The following NUB1 variants were observed in gnomAD, a reference collection of about 807,000 sequenced individuals.
The protein encoded by NUB1 is NEDD8 ultimate buster 1.
Under a neutral mutation model 77.1 loss-of-function variants are expected in NUB1, and 41 were observed. The ratio of observed to expected loss-of-function variants is 0.53; its 90% CI spans 0.41 to 0.69. The LOEUF (loss-of-function observed/expected upper bound fraction) is 0.69. NUB1 is among the 30% of genes least tolerant of loss of function. The probability of loss-of-function intolerance (pLI) is 0.00; values close to 1 mark genes in which losing one functional copy is unlikely to be tolerated. For synonymous variants in NUB1, 257 were observed against 281.0 expected (o/e 0.91, Z 0.85); for missense variants, 643 against 743.8 (o/e 0.86, Z 1.58).
At chr7:151,359,019 C>T (rs373230622) in intron 7 of NUB1, among the ~76,000 whole-genome samples, 10 of 151,510 alleles carry the variant, frequency 6.6e-5, no homozygotes, top group Middle Eastern at 3.4e-3. Flanking sequence ...GAGCCGAGAT[C>T]GCGCCACTGC....
At chr7:151,376,139 G>A in intron 13 of NUB1, 196 bp downstream of exon 13, 2 of 550,434 alleles carry the variant, frequency 3.6e-6, no homozygotes, top group South Asian at 4.0e-5. Flanking sequence ...TGGAAAGCAG[G>A]AAAACTGGGG....
At chr7:151,345,306 A>G in intron 1 of NUB1, 42 bp from the exon 2 acceptor site, 3 of 1,277,790 alleles carry the variant, frequency 2.3e-6, no homozygotes, top group Non-Finnish European at 3.4e-6. Context: ...AACATTTTAA[A>G]ATGCGATGTG....
At chr7:151,344,123 G>A (rs1796348169) in intron 1 of NUB1, among the ~76,000 whole-genome samples, 1 of 131,644 alleles carries the variant, frequency 7.6e-6, no homozygotes, top group South Asian at 2.8e-4. Context: ...GGAGCTTGCA[G>A]TGAGCCGAGA....
intron 10 of NUB1, among the ~76,000 whole-genome samples, chr7:151,368,531 T>C (rs1797806345): frequency 6.6e-6 from 1 of 152,264 alleles, no homozygotes; most frequent in Admixed American, 6.5e-5. Flanking sequence ...CGTGTTGTGC[T>C]GTGGCTAAGT....
chr7:151,354,181 G>A (rs1045296658), intron 5 of NUB1, among the ~76,000 whole-genome samples: 1 of 152,068 alleles, frequency 6.6e-6, no homozygotes, highest in Non-Finnish European at 1.5e-5. Context: ...TAAATAGTCT[G>A]TCTTTTCCCT....
intron 11 of NUB1, among the ~76,000 whole-genome samples, chr7:151,372,100 A>G (rs529983372): frequency 3.3e-5 from 5 of 152,356 alleles, no homozygotes; most frequent in African/African-American, 1.2e-4. Context: ...ACAGCTGTAG[A>G]AACGGAGCTC....
intron 8 of NUB1, among the ~76,000 whole-genome samples, chr7:151,361,562 A>C (rs1797382793): frequency 6.6e-6 from 1 of 152,266 alleles, no homozygotes; most frequent in Non-Finnish European, 1.5e-5. Flanking sequence ...ACATTTGAAA[A>C]GTAGACTTGA....
chr7:151,365,392 A>G (rs530757092), intron 8 of NUB1, among the ~76,000 whole-genome samples: 4 of 148,932 alleles, frequency 2.7e-5, no homozygotes, highest in African/African-American at 9.9e-5. Context: ...TATTGATTTT[A>G]TTTTTAACTG....
intron 2 of NUB1, among the ~76,000 whole-genome samples, chr7:151,347,868 T>G (rs1796575406): frequency 1.3e-5 from 2 of 152,256 alleles, no homozygotes; most frequent in African/African-American, 4.8e-5. Context: ...TATTACATTA[T>G]GAATTTAATG....
In NUB1 at chr7:151,374,093, A is replaced by G. The variant is rs1027128507; in HGVS notation, c.1249-4A>G. The G allele has an allele frequency of 1.3e-6, 2 of 1,552,666 alleles. No homozygotes were observed. Among genetic ancestry groups the G allele is most frequent in the African/African-American group, 2.7e-5 (2 of 72,794 alleles). On this transcript the variant is annotated splice_region_variant and splice_polypyrimidine_tract_variant and intron_variant, in intron 11 of 14. Transcript: ENST00000568733. ...TGGGATGGGACTTTGCTGTTTTCCT[A>G]AAGGAACTGGCCCAAATAAGGAAGG...
At chr7:151,375,722 C>A in intron 12 of NUB1, 126 bp from the exon 13 acceptor site, 1 of 656,220 alleles carries the variant, frequency 1.5e-6, no homozygotes. Context: ...TGAGTGGGAG[C>A]CCCTTTCTCT....
At chr7:151,374,298 G>C in intron 12 of NUB1, 55 bp downstream of exon 12, 2 of 1,539,076 alleles carry the variant, frequency 1.3e-6, no homozygotes, top group Non-Finnish European at 1.8e-6. Flanking sequence ...GTCCTGCCCA[G>C]AGCTCCCTCC....
intron 7 of NUB1, among the ~76,000 whole-genome samples, chr7:151,359,692 G>T (rs575636393): frequency 6.6e-6 from 1 of 152,066 alleles, no homozygotes; most frequent in African/African-American, 2.4e-5. Flanking sequence ...CAGGAGAATC[G>T]CTTGAACCCA....
chr7:151,368,609 T>C, intron 10 of NUB1, 126 bp from the exon 11 acceptor site: 2 of 1,141,084 alleles, frequency 1.8e-6, no homozygotes, highest in Non-Finnish European at 2.4e-6. Context: ...AGTTTAGAGA[T>C]TTTATCCAAA....
chr7:151,352,417 A>C (rs386223), intron 4 of NUB1: 102,590 of 276,570 alleles, frequency 0.37, 21,194 homozygotes, highest in East Asian at 0.8. Flanking sequence ...TGGATAAAAG[A>C]GCTATCATGA....
chr7:151,357,774 T>C (rs1797152344), intron 7 of NUB1, among the ~76,000 whole-genome samples: 1 of 151,026 alleles, frequency 6.6e-6, no homozygotes, highest in Non-Finnish European at 1.5e-5. Context: ...CATGCCTGGC[T>C]AATTTTTGTA....
chr7:151,370,974 G>A (rs1371201442), intron 11 of NUB1, among the ~76,000 whole-genome samples: 1 of 152,076 alleles, frequency 6.6e-6, no homozygotes, highest in Admixed American at 6.5e-5. Context: ...CAGCCGAGAG[G>A]CCACAGGACA....
intron 7 of NUB1, among the ~76,000 whole-genome samples, chr7:151,359,811 A>G (rs891799337): frequency 2.6e-5 from 4 of 152,164 alleles, no homozygotes; most frequent in African/African-American, 4.8e-5. Flanking sequence ...AAATGATACA[A>G]GCATTACTGG....
intron 4 of NUB1, among the ~76,000 whole-genome samples, chr7:151,351,843 TA>T (rs1381263051): frequency 6.6e-6 from 1 of 152,084 alleles, no homozygotes; most frequent in Non-Finnish European, 1.5e-5. Context: ...TTTTTTTCCC[TA>T]ATGTATTAAT....
Sources: gnomAD v4.1 joint callset for allele counts (sites outside exome capture counted in the v4.1 genomes callset) on GRCh38, gnomAD v4.1.1 for gene constraint, MANE v1.5 for transcripts, NCBI Gene and HGNC (gene_info 2026-07-23, HGNC 2026-07-21) for gene names.